The following ZNF536 variants were observed in gnomAD, a reference collection of about 807,000 sequenced individuals.
ZNF536 encodes zinc finger protein 536.
In ZNF536, 13 loss-of-function variants were observed where a neutral mutation model predicts 84.5. That is an observed-to-expected ratio of 0.15 (90% CI 0.10 to 0.24). The LOEUF (loss-of-function observed/expected upper bound fraction) is 0.24, where lower values mean the gene tolerates loss of function less well. Ranked by LOEUF, ZNF536 falls within the 10% of genes least tolerant of loss-of-function variation. ZNF536 has a pLI of 1.00. For missense variants in ZNF536, 1,536 were observed against 1,747.5 expected (o/e 0.88, Z 2.16); for synonymous variants, 811 against 742.5 (o/e 1.09, Z -1.50).
chr19:30,339,045 A>G (rs1174131474), intron 2 of ZNF536, among the ~76,000 whole-genome samples: 1 of 152,104 alleles, frequency 6.6e-6, no homozygotes, highest in Non-Finnish European at 1.5e-5. Context: ...AAAGTTCCGT[A>G]GCTAAGTAAC....
chr19:30,562,618 A>T (rs2046213257), downstream of ZNF536, among the ~76,000 whole-genome samples: 1 of 152,046 alleles, frequency 6.6e-6, no homozygotes, highest in Admixed American at 6.5e-5. Flanking sequence ...TGATCAGGTT[A>T]TCTTTGAGTG....
intron 2 of ZNF536, among the ~76,000 whole-genome samples, chr19:30,496,415 C>T (rs2054721490): frequency 6.6e-6 from 1 of 152,136 alleles, no homozygotes; most frequent in Non-Finnish European, 1.5e-5. Flanking sequence ...TTTTAAGGCT[C>T]TTAGTGTCTC....
At chr19:30,297,747 C>T (rs1487071469) in intron 2 of ZNF536, among the ~76,000 whole-genome samples, 1 of 152,180 alleles carries the variant, frequency 6.6e-6, no homozygotes, top group African/African-American at 2.4e-5. Context: ...AAATGAACAT[C>T]CCAGGCAGTG....
At chr19:30,322,154 G>T (rs562352173) in intron 2 of ZNF536, among the ~76,000 whole-genome samples, 2 of 152,172 alleles carry the variant, frequency 1.3e-5, no homozygotes, top group East Asian at 3.9e-4. Flanking sequence ...TTTTCCTCAG[G>T]CATCACGTGA....
chr19:30,347,453 C>T (rs534537733), intron 2 of ZNF536, among the ~76,000 whole-genome samples: 21 of 152,322 alleles, frequency 1.4e-4, no homozygotes, highest in African/African-American at 4.8e-4. Flanking sequence ...GACAGAACTG[C>T]TCATCGTATC....
At chr19:30,676,168 T>C (rs1390668925) in intron 1 of ZNF536, among the ~76,000 whole-genome samples, 1 of 152,214 alleles carries the variant, frequency 6.6e-6, no homozygotes, top group African/African-American at 2.4e-5. Flanking sequence ...AAATGCACTT[T>C]TGTTTTTAAA....
chr19:30,326,801 T>TTTTTTTTG (rs2047046910), intron 2 of ZNF536, among the ~76,000 whole-genome samples: 3 of 127,340 alleles, frequency 2.4e-5, no homozygotes, highest in Non-Finnish European at 4.9e-5. Flanking sequence ...CTTTTTTTTT[T>TTTTTTTTG]TTTTTTTTTT....
At chr19:30,305,403 G>A (rs868521439) in intron 2 of ZNF536, among the ~76,000 whole-genome samples, 36 of 152,154 alleles carry the variant, frequency 2.4e-4, no homozygotes, top group African/African-American at 8.2e-4. Flanking sequence ...GTATGGGGAG[G>A]GGTGGAAAGT....
chr19:30,605,727 G>T (rs571986985), intron 1 of ZNF536, among the ~76,000 whole-genome samples: 1 of 152,216 alleles, frequency 6.6e-6, no homozygotes, highest in Non-Finnish European at 1.5e-5. Context: ...TGGATCGAAT[G>T]GTGGATCTCC....
intron 1 of ZNF536, among the ~76,000 whole-genome samples, chr19:30,601,707 A>T (rs1010543038): frequency 1.3e-5 from 2 of 152,114 alleles, no homozygotes; most frequent in African/African-American, 4.8e-5. Context: ...AGGCATAATT[A>T]TGGGGAACCA....
At chr19:30,485,486 T>A (rs184745132) in intron 2 of ZNF536, among the ~76,000 whole-genome samples, 1 of 152,302 alleles carries the variant, frequency 6.6e-6, no homozygotes, top group African/African-American at 2.4e-5. Context: ...CTCTTTCCTG[T>A]CACTATAGAT....
chr19:30,583,831 C>G (rs1226821350), intron 1 of ZNF536, among the ~76,000 whole-genome samples: 2 of 152,156 alleles, frequency 1.3e-5, no homozygotes, highest in Non-Finnish European at 1.5e-5. Context: ...AAGTAAACAA[C>G]TCTTCAAGCT....
At chr19:30,309,511 G>T (rs751340208) in intron 2 of ZNF536, among the ~76,000 whole-genome samples, 2 of 152,134 alleles carry the variant, frequency 1.3e-5, no homozygotes, top group South Asian at 2.1e-4. Flanking sequence ...CTGAAAAGGC[G>T]CACTGCTGCA....
intron 1 of ZNF536, among the ~76,000 whole-genome samples, chr19:30,659,673 C>A (rs1352244122): frequency 6.6e-6 from 1 of 152,154 alleles, no homozygotes; most frequent in African/African-American, 2.4e-5. Flanking sequence ...ACCATCAGAT[C>A]TTGTGAGAAC....
intron 1 of ZNF536, among the ~76,000 whole-genome samples, chr19:30,377,960 C>T (rs1044566322): frequency 6.6e-6 from 1 of 152,140 alleles, no homozygotes; most frequent in African/African-American, 2.4e-5. Flanking sequence ...GCTCCCAAGG[C>T]CACCCTCTCC....
chr19:30,480,167 C>T (rs193111262), intron 2 of ZNF536, among the ~76,000 whole-genome samples: 13 of 152,316 alleles, frequency 8.5e-5, no homozygotes, highest in East Asian at 1.9e-4. Flanking sequence ...GCCAATTTCA[C>T]GGGAGTGTGG....
chr19:30,453,078 C>G (rs991533595), intron 2 of ZNF536, among the ~76,000 whole-genome samples: 4 of 152,150 alleles, frequency 2.6e-5, no homozygotes, highest in African/African-American at 9.7e-5. Context: ...CTTTTGCTGG[C>G]AGGATGGGGC....
At chr19:30,656,722 A>G (rs979493665) in intron 1 of ZNF536, among the ~76,000 whole-genome samples, 1 of 152,230 alleles carries the variant, frequency 6.6e-6, no homozygotes, top group African/African-American at 2.4e-5. Context: ...ATGAGGCACA[A>G]CAGAAAGCCT....
chr19:30,269,187 T>C (rs1830302836), intron 1 of ZNF536, among the ~76,000 whole-genome samples: 1 of 152,174 alleles, frequency 6.6e-6, no homozygotes, highest in African/African-American at 2.4e-5. Flanking sequence ...GTAGCAGTGG[T>C]CCCTGGAACT....
Sources: gnomAD v4.1 joint callset for allele counts (sites outside exome capture counted in the v4.1 genomes callset) on GRCh38, gnomAD v4.1.1 for gene constraint, MANE v1.5 for transcripts, NCBI Gene and HGNC (gene_info 2026-07-23, HGNC 2026-07-21) for gene names.